Variants in ATP8A2 observed in about 807,000 individuals in gnomAD.
The protein encoded by ATP8A2 is phospholipid-transporting ATPase IB.
ATP8A2 carries 100 observed loss-of-function variants against 165.6 expected under a neutral mutation model. The observed-to-expected ratio is 0.60, with a 90% CI of 0.51 to 0.71. ATP8A2 has a LOEUF of 0.71. Ranked by LOEUF, ATP8A2 falls within the 30% of genes least tolerant of loss-of-function variation. The pLI is 0.00. For synonymous variants in ATP8A2, 543 were observed against 548.8 expected (o/e 0.99, Z 0.15); for missense variants, 1,227 against 1,479.5 (o/e 0.83, Z 2.80).
intron 25 of ATP8A2, among the ~76,000 whole-genome samples, chr13:25,746,632 T>C (rs1468295017): frequency 6.6e-6 from 1 of 152,202 alleles, no homozygotes; most frequent in Non-Finnish European, 1.5e-5. Flanking sequence ...AAGCTGGTGA[T>C]CCCACACTGA....
chr13:25,535,476 C>A (rs903063152), intron 6 of ATP8A2, among the ~76,000 whole-genome samples: 7 of 152,246 alleles, frequency 4.6e-5, no homozygotes, highest in African/African-American at 1.4e-4. Context: ...TGTACTAATT[C>A]TTTGAGGGAG....
intron 24 of ATP8A2, among the ~76,000 whole-genome samples, chr13:25,663,740 T>C (rs2042096796): frequency 1.3e-5 from 2 of 152,224 alleles, no homozygotes; most frequent in Non-Finnish European, 2.9e-5. Context: ...ACAGGACTGC[T>C]TTGAGTTTTG....
At chr13:25,595,656 T>G (rs2040217570) in intron 24 of ATP8A2, among the ~76,000 whole-genome samples, 1 of 152,186 alleles carries the variant, frequency 6.6e-6, no homozygotes, top group African/African-American at 2.4e-5. Context: ...GCAGATTCCC[T>G]CTGGAATGTT....
intron 27 of ATP8A2, among the ~76,000 whole-genome samples, chr13:25,807,712 C>A (rs1950772714): frequency 6.6e-6 from 1 of 152,084 alleles, no homozygotes; most frequent in African/African-American, 2.4e-5. Context: ...TAGACTTAGA[C>A]CATTTAATTC....
chr13:25,638,250 G>A (rs1593704494), intron 24 of ATP8A2, among the ~76,000 whole-genome samples: 1 of 152,218 alleles, frequency 6.6e-6, no homozygotes, highest in Non-Finnish European at 1.5e-5. Context: ...GAACAAAGCT[G>A]GATGGAGAAT....
intron 25 of ATP8A2, among the ~76,000 whole-genome samples, chr13:25,742,282 C>T (rs115813827): frequency 5.3e-5 from 8 of 152,054 alleles, no homozygotes; most frequent in African/African-American, 1.7e-4. Context: ...GGGCCACTGT[C>T]GTATATGCAA....
intron 24 of ATP8A2, among the ~76,000 whole-genome samples, chr13:25,633,365 GA>G (rs1170756242): frequency 6.6e-6 from 1 of 151,974 alleles, no homozygotes; most frequent in Non-Finnish European, 1.5e-5. Flanking sequence ...AGACTTCAAG[GA>G]CAGATAATAC....
chr13:25,979,873 C>A (rs1182785851), intron 35 of ATP8A2, among the ~76,000 whole-genome samples: 1 of 152,174 alleles, frequency 6.6e-6, no homozygotes, highest in Non-Finnish European at 1.5e-5. Flanking sequence ...AGAAAAAAGT[C>A]ATGTCTTTTC....
At chr13:25,465,576 C>T (rs2035612918) in intron 1 of ATP8A2, among the ~76,000 whole-genome samples, 1 of 149,680 alleles carries the variant, frequency 6.7e-6, no homozygotes, top group South Asian at 2.1e-4. Flanking sequence ...TTTTTTGTCC[C>T]AGTCTTCTTC....
chr13:25,675,756 T>C (rs558068245), intron 24 of ATP8A2, among the ~76,000 whole-genome samples: 4 of 152,242 alleles, frequency 2.6e-5, no homozygotes, highest in Admixed American at 6.5e-5. Context: ...GTGCCGGTGT[T>C]CATGGGTTGG....
intron 35 of ATP8A2, among the ~76,000 whole-genome samples, chr13:25,970,625 A>G (rs1404956425): frequency 1.3e-5 from 2 of 152,238 alleles, no homozygotes; most frequent in East Asian, 1.9e-4. Flanking sequence ...CTGTCATAGA[A>G]GAAGGCTAAT....
chr13:25,704,337 C>CTTTTTTTTTT (rs67458818), intron 25 of ATP8A2, among the ~76,000 whole-genome samples: 58 of 137,670 alleles, frequency 4.2e-4, no homozygotes, highest in Non-Finnish European at 6.4e-4. Flanking sequence ...ACATCTAGGA[C>CTTTTTTTTTT]TTTTTTTTTT....
At chr13:25,394,884 A>C (rs1456490679) in intron 1 of ATP8A2, among the ~76,000 whole-genome samples, 1 of 152,180 alleles carries the variant, frequency 6.6e-6, no homozygotes, top group Non-Finnish European at 1.5e-5. Context: ...GACAAGCCTT[A>C]CTAAAGCAGC....
At chr13:25,954,953 T>C (rs1955484491) in intron 33 of ATP8A2, among the ~76,000 whole-genome samples, 1 of 152,158 alleles carries the variant, frequency 6.6e-6, no homozygotes. Flanking sequence ...CTCCAAAGGA[T>C]CACAATTCCT....
intron 35 of ATP8A2, among the ~76,000 whole-genome samples, chr13:25,993,752 A>T (rs1956440078): frequency 6.6e-6 from 1 of 152,132 alleles, no homozygotes; most frequent in Non-Finnish European, 1.5e-5. Context: ...TAATTATATC[A>T]TAAGTCTTGA....
intron 33 of ATP8A2, among the ~76,000 whole-genome samples, chr13:25,881,243 C>T (rs1048751229): frequency 4.7e-5 from 7 of 148,346 alleles, no homozygotes; most frequent in African/African-American, 1.7e-4. Flanking sequence ...TGTTAATACA[C>T]AGGAGATCTG....
At chr13:25,640,036 A>C (rs914452821) in intron 24 of ATP8A2, among the ~76,000 whole-genome samples, 2 of 152,244 alleles carry the variant, frequency 1.3e-5, no homozygotes, top group Non-Finnish European at 2.9e-5. Flanking sequence ...GCAGAAATAA[A>C]GATGTTCTTT....
intron 2 of ATP8A2, among the ~76,000 whole-genome samples, chr13:25,511,917 T>C (rs1440399435): frequency 6.6e-6 from 1 of 151,686 alleles, no homozygotes; most frequent in African/African-American, 2.4e-5. Flanking sequence ...TGATCATTCT[T>C]GGGTGTTTCT....
At chr13:25,748,815 C>T (rs909086761) in intron 25 of ATP8A2, among the ~76,000 whole-genome samples, 4 of 152,176 alleles carry the variant, frequency 2.6e-5, no homozygotes, top group African/African-American at 9.6e-5. Context: ...TTTGTATTAG[C>T]AGTTATTCTG....
Sources: allele counts gnomAD v4.1 joint callset (sites outside exome capture counted in the v4.1 genomes callset), GRCh38; gene constraint gnomAD v4.1.1; transcripts MANE v1.5; gene names NCBI Gene and HGNC (gene_info 2026-07-23, HGNC 2026-07-21).